Variants in RNF130 observed in about 807,000 individuals in gnomAD.
RNF130 encodes the protein E3 ubiquitin-protein ligase RNF130.
Under a neutral mutation model 44.6 loss-of-function variants are expected in RNF130, and 21 were observed. That is an observed-to-expected ratio of 0.47 (90% confidence interval 0.33 to 0.68). RNF130 has a LOEUF of 0.68. RNF130 is among the 30% of genes least tolerant of loss of function. The pLI is 0.02. For synonymous variants in RNF130, 214 were observed against 210.4 expected (o/e 1.02, Z -0.15); for missense variants, 479 against 560.6 (o/e 0.85, Z 1.47).
chr5:180,068,201 T>C (rs571213728), intron 1 of RNF130, among the ~76,000 whole-genome samples: 1 of 152,334 alleles, frequency 6.6e-6, no homozygotes, highest in South Asian at 2.1e-4. Flanking sequence ...AAAAAGTTAG[T>C]GTGCACACAC....
At chr5:180,066,182 T>C (rs957148739) in intron 1 of RNF130, among the ~76,000 whole-genome samples, 3 of 152,226 alleles carry the variant, frequency 2.0e-5, no homozygotes, top group Non-Finnish European at 2.9e-5. Flanking sequence ...CAGTGGGAGA[T>C]AACTGGAATC....
intron 7 of RNF130, among the ~76,000 whole-genome samples, chr5:179,927,972 G>A (rs1031881424): frequency 1.7e-4 from 26 of 152,114 alleles, no homozygotes; most frequent in African/African-American, 5.8e-4. Context: ...ACACACAAAT[G>A]TCTGACATTT....
chr5:180,006,023 T>C lies in RNF130; in HGVS notation c.693+7038A>G, dbSNP rs77217566. ...ATACAGTCTCTGTATATGAAAAGTG[T>C]TATTTATTTACAAAATGGCAGGACA... is the stretch of plus-strand genomic sequence containing the variant. On this transcript the variant is annotated intron_variant, in intron 3 of 8. Transcript: ENST00000521389. 4.2e-3 allele frequency among the ~76,000 whole-genome samples: 645 copies of C among 152,362 alleles called. 5 individuals are homozygous for C. The highest frequency in any genetic ancestry group is 7.2e-3 in the Non-Finnish European group (487 of 68,032).
intron 3 of RNF130, among the ~76,000 whole-genome samples, chr5:179,980,983 C>T (rs562103267): frequency 4.6e-5 from 7 of 151,660 alleles, no homozygotes; most frequent in Non-Finnish European, 7.4e-5. Context: ...ACAGAGGAGG[C>T]GACTAGGAGG....
chr5:180,069,974 A>C (rs1699308451), intron 1 of RNF130, among the ~76,000 whole-genome samples: 1 of 152,204 alleles, frequency 6.6e-6, no homozygotes. Context: ...TGAAGTTCAG[A>C]CCATGGATTT....
chr5:180,003,146 AAAG>A (rs1203269995), intron 3 of RNF130, among the ~76,000 whole-genome samples: 1 of 152,194 alleles, frequency 6.6e-6, no homozygotes, highest in Non-Finnish European at 1.5e-5. Flanking sequence ...GTAGGTAAAG[AAAG>A]AAGAGCGCAA....
chr5:179,945,107 A>G (rs919281017), intron 7 of RNF130, among the ~76,000 whole-genome samples: 5 of 152,180 alleles, frequency 3.3e-5, no homozygotes, highest in Non-Finnish European at 7.3e-5. Flanking sequence ...TTAAAAAAAT[A>G]AAGTGATAAC....
At chr5:179,931,754 G>A (rs575458741) in intron 7 of RNF130, among the ~76,000 whole-genome samples, 4 of 144,144 alleles carry the variant, frequency 2.8e-5, no homozygotes, top group South Asian at 2.3e-4. Context: ...CAGCCTGGGC[G>A]ACAGAGCCAG....
At chr5:180,013,766 A>G (rs1018782859) in intron 2 of RNF130, among the ~76,000 whole-genome samples, 17 of 152,232 alleles carry the variant, frequency 1.1e-4, no homozygotes, top group African/African-American at 4.1e-4. Context: ...TTTATAGCAT[A>G]AATTGGTACT....
At chr5:179,975,232 T>C (rs751286364) in intron 5 of RNF130, among the ~76,000 whole-genome samples, 3 of 152,220 alleles carry the variant, frequency 2.0e-5, no homozygotes, top group Non-Finnish European at 2.9e-5. Flanking sequence ...AAGCGGCAGT[T>C]TGGTGAGCGC....
chr5:179,949,069 G>A (rs1368967420), intron 7 of RNF130, among the ~76,000 whole-genome samples: 2 of 151,016 alleles, frequency 1.3e-5, no homozygotes, highest in East Asian at 2.0e-4. Context: ...GGGTTCAAGG[G>A]ATTCTCCTGC....
chr5:180,027,808 G>A (rs1764024635), intron 2 of RNF130, among the ~76,000 whole-genome samples: 1 of 152,186 alleles, frequency 6.6e-6, no homozygotes, highest in East Asian at 1.9e-4. Context: ...GAAGAAGCTA[G>A]GAACCCTGCT....
At chr5:180,049,773 TTG>T (rs1764647081) in intron 1 of RNF130, among the ~76,000 whole-genome samples, 1 of 152,222 alleles carries the variant, frequency 6.6e-6, no homozygotes, top group South Asian at 2.1e-4. Context: ...TATTATTTTA[TTG>T]TGTTCTTATT....
downstream of RNF130, among the ~76,000 whole-genome samples, chr5:179,952,086 A>G (rs1487887635): frequency 7.2e-5 from 11 of 152,078 alleles, no homozygotes; most frequent in Admixed American, 5.9e-4. Flanking sequence ...TAATCTTACC[A>G]CTTTGGGAGG....
intron 7 of RNF130, among the ~76,000 whole-genome samples, chr5:179,934,587 C>T (rs1287722444): frequency 7.0e-6 from 1 of 143,578 alleles, no homozygotes; most frequent in African/African-American, 2.6e-5. Context: ...GACTCTGTTG[C>T]CCAGGCTGGA....
At chr5:180,010,800 T>C (rs10068039) in intron 3 of RNF130, among the ~76,000 whole-genome samples, 102,149 of 152,050 alleles carry the variant, frequency 0.67, 34,657 homozygotes, top group African/African-American at 0.76. Flanking sequence ...GTGATGGAAC[T>C]GGTCTGTATC....
At chr5:179,945,352 G>A (rs1231700066) in intron 7 of RNF130, among the ~76,000 whole-genome samples, 1 of 152,122 alleles carries the variant, frequency 6.6e-6, no homozygotes, top group African/African-American at 2.4e-5. Context: ...CCTCAGCGGC[G>A]GGGGCTTTTC....
chr5:179,918,778 G>A (rs1761587406), exon 8 of RNF130: 1 of 152,174 alleles, frequency 6.6e-6, no homozygotes, highest in South Asian at 2.1e-4. Flanking sequence ...GAGCGAAAAC[G>A]AAATGCCGCT....
chr5:179,953,696 T>G (rs1762159827), downstream of RNF130, among the ~76,000 whole-genome samples: 1 of 152,208 alleles, frequency 6.6e-6, no homozygotes, highest in South Asian at 2.1e-4. Flanking sequence ...CTCTGTGACC[T>G]TAAATTAGGT....
Sources: allele counts gnomAD v4.1 joint callset (sites outside exome capture counted in the v4.1 genomes callset), GRCh38; gene constraint gnomAD v4.1.1; transcripts MANE v1.5; gene names NCBI Gene and HGNC (gene_info 2026-07-23, HGNC 2026-07-21).